PDLIM5: variants seen among roughly 807,000 people sequenced by gnomAD.
The protein encoded by PDLIM5 is PDZ and LIM domain 5.
In PDLIM5, 34 loss-of-function variants were observed where a neutral mutation model predicts 64.2. That is an observed-to-expected ratio of 0.53 (90% CI 0.40 to 0.71). PDLIM5 has a LOEUF of 0.71. Ranked by LOEUF, PDLIM5 falls within the 30% of genes least tolerant of loss-of-function variation. PDLIM5 has a pLI of 0.00. For missense variants in PDLIM5, 683 were observed against 733.6 expected (o/e 0.93, Z 0.80); for synonymous variants, 253 against 269.1 (o/e 0.94, Z 0.59).
At chr4:94,481,973 C>T (rs1284959899) in intron 2 of PDLIM5, among the ~76,000 whole-genome samples, 2 of 151,896 alleles carry the variant, frequency 1.3e-5, no homozygotes, top group African/African-American at 2.4e-5. Flanking sequence ...AATGCCTTGT[C>T]TGTGCTGGAT....
chr4:94,585,445 G>C (rs1736103127), intron 5 of PDLIM5, 120 bp from the exon 6 acceptor site: 1 of 631,068 alleles, frequency 1.6e-6, no homozygotes, highest in South Asian at 4.0e-5. Context: ...AAAGCAAACT[G>C]TTTATATAAA....
rs912114051 is a variant in PDLIM5 at position 94,665,760 on chromosome 4, G to GT, written c.*1697dup. 28 of 1,241,686 alleles carry GT rather than the reference G, an allele frequency of 2.3e-5. No homozygotes were observed. In the African/African-American group the frequency reaches 4.2e-4, roughly 19 times the overall value. The allele number at this position is 1,241,686 out of a possible 1,614,324, so 76.9% of individuals were successfully genotyped here. A position where few individuals can be genotyped will look rare whatever the true frequency, so the allele number is the denominator to read the frequency against. On this transcript the variant is annotated 3_prime_UTR_variant, in exon 13 of 13. Coordinates refer to ENST00000317968, the MANE Select transcript of PDLIM5 (RefSeq NM_006457.5). ...TGTGATGAAATTGAGACTTTTTGTG[G>GT]TTTTCTCTCAATAATAAGTGAACCA...
At chr4:94,516,308 G>T (rs1729353362) in intron 2 of PDLIM5, among the ~76,000 whole-genome samples, 1 of 152,182 alleles carries the variant, frequency 6.6e-6, no homozygotes, top group Non-Finnish European at 1.5e-5. Flanking sequence ...ACCATATAAG[G>T]TGTATTCTCT....
chr4:94,575,732 T>C lies in PDLIM5; in HGVS notation c.408T>C (p.Ser136=), dbSNP rs575588990. ...CACCACGGCCTTTTGGTTCTGTGTCTTCACCAAAAGTCACATCCATCCCAT... is the reference window on the plus strand; with the variant it reads ...CACCACGGCCTTTTGGTTCTGTGTCCTCACCAAAAGTCACATCCATCCCAT... The part of the protein sequence containing the change: ...NKAPRPFGSV[S]SPKVTSIPSP... The change falls in exon 5 of 13, where the codon TCT becomes TCC. Residue 136 remains serine, a synonymous_variant. Transcript: ENST00000317968. 47 of 1,614,130 alleles carry C rather than the reference T, an allele frequency of 2.9e-5. No individual in the cohort carries two copies. The highest frequency in any genetic ancestry group is 3.4e-5 in the Non-Finnish European group (40 of 1,179,960).
chr4:94,547,726 G>T (rs1312742564), intron 3 of PDLIM5, among the ~76,000 whole-genome samples: 1 of 152,198 alleles, frequency 6.6e-6, no homozygotes, highest in Non-Finnish European at 1.5e-5. Flanking sequence ...TGAGATAGGA[G>T]ATCTGACTGA....
chr4:94,508,367 T>C (rs566298306), intron 2 of PDLIM5, among the ~76,000 whole-genome samples: 3 of 152,198 alleles, frequency 2.0e-5, no homozygotes, highest in African/African-American at 4.8e-5. Flanking sequence ...AGGAAACTTA[T>C]TAAGTGGTAT....
intron 2 of PDLIM5, among the ~76,000 whole-genome samples, chr4:94,480,373 A>G (rs1369885004): frequency 6.6e-6 from 1 of 152,262 alleles, no homozygotes; most frequent in Non-Finnish European, 1.5e-5. Flanking sequence ...AAATTTTATT[A>G]CAAGGCATTG....
At chr4:94,663,136 C>A (rs557413512) in intron 12 of PDLIM5, among the ~76,000 whole-genome samples, 1 of 152,210 alleles carries the variant, frequency 6.6e-6, no homozygotes, top group Non-Finnish European at 1.5e-5. Flanking sequence ...AAGTAAATAT[C>A]CAGTAAACGT....
intron 9 of PDLIM5, among the ~76,000 whole-genome samples, chr4:94,641,397 A>G (rs1210907853): frequency 6.6e-6 from 1 of 152,242 alleles, no homozygotes; most frequent in Non-Finnish European, 1.5e-5. Context: ...TTAGAGTCAA[A>G]TATAAACACC....
At chr4:94,475,197 A>G (rs865835510) in intron 2 of PDLIM5, among the ~76,000 whole-genome samples, 2 of 151,976 alleles carry the variant, frequency 1.3e-5, no homozygotes, top group African/African-American at 4.8e-5. Context: ...TTTTCTCCTC[A>G]AAGGAGGTTG....
At chr4:94,487,697 G>T (rs1306032491) in intron 2 of PDLIM5, among the ~76,000 whole-genome samples, 1 of 152,208 alleles carries the variant, frequency 6.6e-6, no homozygotes, top group Non-Finnish European at 1.5e-5. Flanking sequence ...CAAGTGTTCA[G>T]GAATTGCTTT....
intron 3 of PDLIM5, among the ~76,000 whole-genome samples, chr4:94,562,323 A>G (rs1733919332): frequency 6.6e-6 from 1 of 152,182 alleles, no homozygotes; most frequent in South Asian, 2.1e-4. Flanking sequence ...GCAAATAAAA[A>G]TAATATATTT....
At chr4:94,592,385 T>C (rs1468822121) in intron 7 of PDLIM5, among the ~76,000 whole-genome samples, 4 of 152,234 alleles carry the variant, frequency 2.6e-5, no homozygotes, top group African/African-American at 9.6e-5. Context: ...TTAGAACACA[T>C]CTGTTTTCTT....
At chr4:94,556,915 T>A (rs1201667905) in intron 3 of PDLIM5, among the ~76,000 whole-genome samples, 5 of 152,194 alleles carry the variant, frequency 3.3e-5, no homozygotes, top group African/African-American at 1.2e-4. Context: ...TTTAATTAGA[T>A]CCCATTTGTC....
At chr4:94,574,182 C>T (rs1735048366) in intron 4 of PDLIM5, among the ~76,000 whole-genome samples, 1 of 152,168 alleles carries the variant, frequency 6.6e-6, no homozygotes. Flanking sequence ...TTATTTTTCT[C>T]AATTAGTTTT....
At chr4:94,605,928 C>A (rs1042964676) in intron 7 of PDLIM5, among the ~76,000 whole-genome samples, 4 of 149,510 alleles carry the variant, frequency 2.7e-5, no homozygotes, top group African/African-American at 4.9e-5. Flanking sequence ...ACCATATTTT[C>A]TTTTTTCCTG....
chr4:94,508,584 A>G (rs1213371979), intron 2 of PDLIM5, among the ~76,000 whole-genome samples: 2 of 152,214 alleles, frequency 1.3e-5, no homozygotes, highest in East Asian at 3.8e-4. Context: ...TACTTAGTAG[A>G]AAATGCACTG....
chr4:94,546,216 A>T (rs1443803508), intron 3 of PDLIM5, among the ~76,000 whole-genome samples: 1 of 152,194 alleles, frequency 6.6e-6, no homozygotes. Flanking sequence ...GACCCAAATG[A>T]TATTGCATTG....
intron 2 of PDLIM5, among the ~76,000 whole-genome samples, chr4:94,495,631 G>A (rs1192415809): frequency 6.6e-6 from 1 of 152,120 alleles, no homozygotes; most frequent in Non-Finnish European, 1.5e-5. Context: ...TAACTGGAAT[G>A]GTAAGAAGAT....
Sources: gnomAD v4.1 joint callset for allele counts (sites outside exome capture counted in the v4.1 genomes callset) on GRCh38, gnomAD v4.1.1 for gene constraint, MANE v1.5 for transcripts, NCBI Gene and HGNC (gene_info 2026-07-23, HGNC 2026-07-21) for gene names.